TTC8: variants seen among roughly 807,000 people sequenced by gnomAD.
TTC8 encodes tetratricopeptide repeat domain 8.
In TTC8, 47 loss-of-function variants were observed where a neutral mutation model predicts 72.5. The observed-to-expected ratio is 0.65, with a 90% CI of 0.51 to 0.83. TTC8 has a LOEUF of 0.83. TTC8 is among the 40% of genes least tolerant of loss of function. TTC8 has a pLI of 0.00. For synonymous variants in TTC8, 199 were observed against 221.4 expected (o/e 0.90, Z 0.90); for missense variants, 611 against 623.2 (o/e 0.98, Z 0.21).
At chr14:88,850,951 C>T (rs767584901) in intron 7 of TTC8, among the ~76,000 whole-genome samples, 41 of 152,114 alleles carry the variant, frequency 2.7e-4, no homozygotes, top group Non-Finnish European at 5.6e-4. Flanking sequence ...GTGATTGGGC[C>T]TGAAAATTCT....
chr14:88,855,035 C>T (rs1348468766), intron 8 of TTC8, among the ~76,000 whole-genome samples: 1 of 152,144 alleles, frequency 6.6e-6, no homozygotes, highest in East Asian at 1.9e-4. Flanking sequence ...TCAGCATTCC[C>T]TAACATGCTG....
At chr14:88,841,835 TC>T (rs1303213116) in intron 6 of TTC8, among the ~76,000 whole-genome samples, 32 of 152,234 alleles carry the variant, frequency 2.1e-4, no homozygotes, top group Non-Finnish European at 7.3e-5. Context: ...CGTATTTTTT[TC>T]CTTTTTAGCT....
At position 88,871,917 on chromosome 14, in the gene TTC8, T is replaced by C. The variant is rs1198960665; in HGVS notation, c.1224+194T>C. On this transcript the variant is annotated intron_variant, in intron 12 of 14. Transcript: ENST00000380656. The surrounding 1 kb of genome is among the most constrained non-coding windows in gnomAD (Gnocchi z 4.1). ...AAATTTAAAAATTAGCTGGGTGTGG[T>C]AGTGCACATCTGTAGTCCCAGCTAC... Among the ~76,000 whole-genome samples, 3 of 151,992 alleles carry C rather than the reference T, an allele frequency of 2.0e-5. No homozygotes were observed. Among genetic ancestry groups the C allele is most frequent in the African/African-American group, 7.3e-5 (3 of 41,366 alleles).
chr14:88,830,025 A>T (rs909157227), intron 1 of TTC8, among the ~76,000 whole-genome samples: 7 of 152,196 alleles, frequency 4.6e-5, no homozygotes, highest in Non-Finnish European at 1.0e-4. Flanking sequence ...CTGCGTGGTC[A>T]CTAGATCTCT....
intron 7 of TTC8, among the ~76,000 whole-genome samples, chr14:88,847,767 T>C (rs1396446254): frequency 6.6e-6 from 1 of 151,882 alleles, no homozygotes; most frequent in Non-Finnish European, 1.5e-5. Context: ...AAAAGGGCAA[T>C]AGAAGGGGGA....
At chr14:88,834,467 C>T (rs769755135) in intron 2 of TTC8, among the ~76,000 whole-genome samples, 4 of 151,960 alleles carry the variant, frequency 2.6e-5, no homozygotes, top group East Asian at 1.9e-4. Context: ...ATGTTAACAG[C>T]GGTTTTTTTA....
chr14:88,865,229 A>G (rs1007321682), intron 10 of TTC8, among the ~76,000 whole-genome samples: 13 of 152,182 alleles, frequency 8.5e-5, no homozygotes, highest in Non-Finnish European at 1.8e-4. Context: ...TTTACTGTGT[A>G]TGAAATTACC....
intron 8 of TTC8, among the ~76,000 whole-genome samples, chr14:88,854,159 T>C (rs1267510127): frequency 1.3e-5 from 2 of 152,246 alleles, no homozygotes; most frequent in African/African-American, 2.4e-5. Context: ...TAAACTCTTA[T>C]GAATGTAATT....
intron 8 of TTC8, among the ~76,000 whole-genome samples, 154 bp from the exon 9 acceptor site, chr14:88,857,036 G>A (rs368830801): frequency 6.6e-6 from 1 of 152,192 alleles, no homozygotes; most frequent in East Asian, 1.9e-4. Context: ...TTATTGCTAA[G>A]CTGTATAAAT....
intron 1 of TTC8, among the ~76,000 whole-genome samples, chr14:88,826,484 C>A (rs1057485087): frequency 1.1e-4 from 16 of 150,886 alleles, no homozygotes; most frequent in African/African-American, 3.9e-4. Context: ...GCGGGCGGAT[C>A]ACGAGGTCAG....
downstream of TTC8, chr14:88,878,853 A>T (rs1487722856): frequency 6.6e-6 from 1 of 152,204 alleles, no homozygotes; most frequent in South Asian, 2.1e-4. Context: ...CCGTAGTCCT[A>T]TGCAGGCTGT....
chr14:88,845,054 T>C (rs1356600154), intron 7 of TTC8, among the ~76,000 whole-genome samples: 4 of 151,920 alleles, frequency 2.6e-5, no homozygotes, highest in African/African-American at 4.8e-5. Flanking sequence ...AGGGATGATA[T>C]TAGTAAAGAT....
rs749957066 is a variant in TTC8, at chr14:88,877,701, A to G, written c.*291A>G. ...TGTTTGTTTATAATGTTTACAAAAC[A>G]TTTTGGTGAATTTCCTCAATGTTTT... On this transcript the variant is annotated 3_prime_UTR_variant, in exon 15 of 15. Transcript: ENST00000380656. The G allele has an allele frequency of 1.9e-5, 4 of 213,626 alleles. No homozygotes were observed. Among genetic ancestry groups the G allele is most frequent in the Non-Finnish European group, 3.8e-5 (4 of 106,414 alleles). The allele number at this position is 213,626 out of a possible 1,614,324, so 13.2% of individuals were successfully genotyped here.
intron 1 of TTC8, among the ~76,000 whole-genome samples, chr14:88,826,179 G>A (rs1475416510): frequency 2.6e-5 from 4 of 151,282 alleles, no homozygotes; most frequent in Admixed American, 1.3e-4. Flanking sequence ...TAGTAGAGAC[G>A]GGATTTCACC....
intron 10 of TTC8, among the ~76,000 whole-genome samples, chr14:88,863,299 T>A (rs1156304082): frequency 6.6e-6 from 1 of 152,130 alleles, no homozygotes; most frequent in Non-Finnish European, 1.5e-5. Flanking sequence ...AGCAAAAGGA[T>A]ACAAAGCAAA....
rs796323647 is a variant in TTC8 at position 88,859,146 on chromosome 14, G to A, written c.798+1869G>A. On this transcript the variant is annotated intron_variant, in intron 9 of 14. Coordinates refer to ENST00000380656, the MANE Select transcript of TTC8 (RefSeq NM_144596.4). ...GTAGAATATACAGTTTTTCTTTAAT[G>A]TATGAATGGATGGTTATTATGTAAT... Among the ~76,000 whole-genome samples, 33 of 152,100 alleles carry A rather than the reference G, an allele frequency of 2.2e-4. 1 individual carries two copies. Among genetic ancestry groups the A allele is most frequent in the African/African-American group, 7.7e-4 (32 of 41,490 alleles).
intron 3 of TTC8, 38 bp downstream of exon 3, chr14:88,839,610 A>G: frequency 6.2e-7 from 1 of 1,609,090 alleles, no homozygotes. Flanking sequence ...ATGAAATACC[A>G]TTAAGAGGAA....
At chr14:88,826,127 A>G (rs1420630712) in intron 1 of TTC8, among the ~76,000 whole-genome samples, 1 of 151,798 alleles carries the variant, frequency 6.6e-6, no homozygotes, top group Non-Finnish European at 1.5e-5. Flanking sequence ...AGCTGGGACT[A>G]CAGTTACGTG....
At chr14:88,850,561 C>G (rs553035545) in intron 7 of TTC8, among the ~76,000 whole-genome samples, 122 of 152,208 alleles carry the variant, frequency 8.0e-4, no homozygotes, top group Middle Eastern at 3.4e-3. Flanking sequence ...GGCAGGGTGG[C>G]ACATACCTGT....
Sources: allele counts gnomAD v4.1 joint callset (sites outside exome capture counted in the v4.1 genomes callset), GRCh38; gene constraint gnomAD v4.1.1; non-coding constraint Gnocchi (gnomAD v3.1); transcripts MANE v1.5; gene names NCBI Gene and HGNC (gene_info 2026-07-23, HGNC 2026-07-21).